The following OXR1 variants were observed in gnomAD, a reference collection of about 807,000 sequenced individuals.
The protein encoded by OXR1 is oxidation resistance 1, also known as oxidation resistance protein 1.
A neutral mutation model predicts 104.6 loss-of-function variants in OXR1; 41 were observed. The observed-to-expected ratio is 0.39, with a 90% confidence interval of 0.31 to 0.51. OXR1 has a LOEUF of 0.51. Ranked by LOEUF, OXR1 falls within the 20% of genes least tolerant of loss-of-function variation. The pLI is 0.77. For synonymous variants in OXR1, 348 were observed against 348.4 expected (o/e 1.00, Z 0.01); for missense variants, 955 against 1,031.9 (o/e 0.93, Z 1.02).
intron 1 of OXR1, among the ~76,000 whole-genome samples, chr8:106,333,763 T>A (rs1247509816): frequency 6.6e-6 from 1 of 152,118 alleles, no homozygotes; most frequent in East Asian, 1.9e-4. Flanking sequence ...TGAAATTCAA[T>A]TGACCATGGA....
intron 1 of OXR1, among the ~76,000 whole-genome samples, chr8:106,357,169 G>A (rs1461460778): frequency 6.6e-6 from 1 of 150,988 alleles, no homozygotes; most frequent in Admixed American, 6.6e-5. Flanking sequence ...AGAATGAATT[G>A]CATCAGACAA....
At chr8:106,643,596 C>A (rs570121628) in intron 3 of OXR1, among the ~76,000 whole-genome samples, 3 of 152,132 alleles carry the variant, frequency 2.0e-5, no homozygotes, top group Non-Finnish European at 4.4e-5. Flanking sequence ...TTTGACCTAG[C>A]TTTCACAGCC....
At chr8:106,742,364 C>A in intron 15 of OXR1, 47 bp downstream of exon 15, 2 of 1,069,370 alleles carry the variant, frequency 1.9e-6, no homozygotes, top group Non-Finnish European at 1.4e-6. Flanking sequence ...GTTGACATAA[C>A]ATACTGCCCA....
At chr8:106,373,308 T>C (rs528705843) in intron 2 of OXR1, among the ~76,000 whole-genome samples, 5 of 152,240 alleles carry the variant, frequency 3.3e-5, no homozygotes, top group Admixed American at 3.3e-4. Flanking sequence ...ATCCCCTCCC[T>C]TTCCCATAAA....
intron 2 of OXR1, among the ~76,000 whole-genome samples, chr8:106,377,087 A>G (rs1449573549): frequency 1.3e-5 from 2 of 152,210 alleles, no homozygotes; most frequent in Non-Finnish European, 2.9e-5. Context: ...TATTACCACA[A>G]AAAGGGGGGA....
At chr8:106,301,514 G>A (rs373876492) in intron 1 of OXR1, among the ~76,000 whole-genome samples, 98 of 152,304 alleles carry the variant, frequency 6.4e-4, no homozygotes, top group Non-Finnish European at 1.1e-3. Flanking sequence ...ATGCAGTTGT[G>A]TAGAAGAGCA....
At chr8:106,450,177 T>G (rs1292703772) in intron 2 of OXR1, among the ~76,000 whole-genome samples, 1 of 152,168 alleles carries the variant, frequency 6.6e-6, no homozygotes, top group Non-Finnish European at 1.5e-5. Flanking sequence ...AAGAGTGAAA[T>G]GAGCTAGGTG....
At chr8:106,351,996 T>C (rs1815746737) in intron 1 of OXR1, among the ~76,000 whole-genome samples, 1 of 152,140 alleles carries the variant, frequency 6.6e-6, no homozygotes, top group Non-Finnish European at 1.5e-5. Flanking sequence ...GACACCATAG[T>C]AGTCCCTGCC....
intron 2 of OXR1, among the ~76,000 whole-genome samples, chr8:106,493,931 T>C (rs747157599): frequency 2.6e-5 from 4 of 152,196 alleles, no homozygotes; most frequent in Non-Finnish European, 5.9e-5. Flanking sequence ...CAAGTTTACA[T>C]GGTCTTGACT....
intron 2 of OXR1, among the ~76,000 whole-genome samples, chr8:106,416,217 A>C (rs1818672552): frequency 6.6e-6 from 1 of 152,150 alleles, no homozygotes. Context: ...CTACACAGTC[A>C]TGAGTGTAAG....
intron 2 of OXR1, among the ~76,000 whole-genome samples, chr8:106,436,393 A>C (rs1032051690): frequency 6.6e-6 from 1 of 152,110 alleles, no homozygotes; most frequent in African/African-American, 2.4e-5. Flanking sequence ...CAAAGTTGTA[A>C]TCACCTCACT....
At chr8:106,323,765 AATATC>A (rs1814332808) in intron 1 of OXR1, among the ~76,000 whole-genome samples, 1 of 152,204 alleles carries the variant, frequency 6.6e-6, no homozygotes, top group Admixed American at 6.6e-5. Context: ...AAAAAAGCCC[AATATC>A]ACTGACCATT....
At chr8:106,746,286 A>G (rs954197258) in intron 16 of OXR1, among the ~76,000 whole-genome samples, 1 of 4,566 alleles carries the variant, frequency 2.2e-4, no homozygotes, top group East Asian at 0.025. Context: ...GATATTTTAG[A>G]CAATAATGGA....
intron 3 of OXR1, among the ~76,000 whole-genome samples, chr8:106,610,272 A>G (rs189563958): frequency 2.0e-3 from 303 of 152,204 alleles, no homozygotes; most frequent in African/African-American, 6.9e-3. Flanking sequence ...ACTTCTGTCA[A>G]TCACTGCTGC....
chr8:106,731,534 G>A (rs536531111), intron 11 of OXR1, among the ~76,000 whole-genome samples: 54 of 152,200 alleles, frequency 3.5e-4, no homozygotes, highest in African/African-American at 1.2e-3. Flanking sequence ...TTTTCTAGGA[G>A]ATCCATAGTT....
chr8:106,704,599 T>A (rs1395103005), intron 8 of OXR1, among the ~76,000 whole-genome samples: 1 of 151,986 alleles, frequency 6.6e-6, no homozygotes, highest in Admixed American at 6.6e-5. Flanking sequence ...GGTTTCATCA[T>A]GTTGGCCAGG....
chr8:106,728,650 T>G (rs775285211), intron 11 of OXR1, among the ~76,000 whole-genome samples: 4 of 152,190 alleles, frequency 2.6e-5, no homozygotes, highest in African/African-American at 7.2e-5. Flanking sequence ...TAAAGGCCGT[T>G]TTATAGTTTA....
At chr8:106,442,112 T>G (rs1303532061) in intron 2 of OXR1, among the ~76,000 whole-genome samples, 2 of 152,202 alleles carry the variant, frequency 1.3e-5, no homozygotes, top group Non-Finnish European at 2.9e-5. Context: ...TCTTGAGAGT[T>G]TTTACCATGA....
intron 2 of OXR1, among the ~76,000 whole-genome samples, chr8:106,381,820 A>G (rs879608686): frequency 3.3e-5 from 5 of 152,178 alleles, no homozygotes; most frequent in African/African-American, 7.2e-5. Context: ...TTTTAATTCA[A>G]AAATTCTCCT....
Sources: gnomAD v4.1 joint callset for allele counts (sites outside exome capture counted in the v4.1 genomes callset) on GRCh38, gnomAD v4.1.1 for gene constraint, MANE v1.5 for transcripts, NCBI Gene and HGNC (gene_info 2026-07-23, HGNC 2026-07-21) for gene names.